Variants in PSKH1 observed in about 807,000 individuals in gnomAD.
PSKH1 encodes protein serine kinase H1.
PSKH1 carries 12 observed loss-of-function variants against 26.7 expected under a neutral mutation model. That is an observed-to-expected ratio of 0.45 (90% CI 0.29 to 0.73). The LOEUF (loss-of-function observed/expected upper bound fraction) is 0.73, where lower values mean the gene tolerates loss of function less well. Ranked by LOEUF, PSKH1 falls within the 30% of genes least tolerant of loss-of-function variation. The pLI is 0.11. For synonymous variants in PSKH1, 213 were observed against 234.3 expected, an observed-to-expected ratio of 0.91 and a Z score of 0.83; for missense variants, 431 against 595.2, an observed-to-expected ratio of 0.72 and a Z score of 2.87.
intron 1 of PSKH1, among the ~76,000 whole-genome samples, chr16:67,896,535 CTTTTTTTT>C (rs959626962): frequency 1.2e-5 from 1 of 80,952 alleles, no homozygotes; most frequent in African/African-American, 5.2e-5. Context: ...TAGTGTGCTT[CTTTTTTTT>C]TTTTTTTTTT....
chr16:67,916,494 TGCTGAG>T (rs977603077), intron 2 of PSKH1, among the ~76,000 whole-genome samples: 1 of 152,150 alleles, frequency 6.6e-6, no homozygotes, highest in Admixed American at 6.5e-5. Flanking sequence ...AAGGGAGCAT[TGCTGAG>T]TGCTCCAGAA....
chr16:67,926,245 T>C (rs1255468156), intron 2 of PSKH1, among the ~76,000 whole-genome samples: 3 of 152,190 alleles, frequency 2.0e-5, no homozygotes, highest in Non-Finnish European at 4.4e-5. Context: ...CTCACCTGGC[T>C]GAGCCCCAAG....
rs777367014 is a variant in PSKH1 at position 67,909,366 on chromosome 16, T to A, written c.617T>A (p.Val206Asp). ...TRVLQMVLDG[V>D]RYLHALGITH... Reference sequence around the variant, plus strand: ...GTGCTGCAGATGGTGCTGGATGGCGTCCGGTATCTGCATGCACTGGGCATC... The same window carrying A: ...GTGCTGCAGATGGTGCTGGATGGCGACCGGTATCTGCATGCACTGGGCATC... The change falls in exon 2 of 3, where the codon GTC becomes GAC. Residue 206 changes from valine to aspartate, a missense_variant. Physicochemically the swap from Val to Asp is radical, Grantham distance 152. Coordinates refer to ENST00000291041, the MANE Select transcript of PSKH1 (RefSeq NM_006742.3). This position sits in a 1 kb window ranked among gnomAD's most constrained non-coding sequence, Gnocchi z 7.8. The A allele has an allele frequency of 6.2e-7, 1 of 1,613,750 alleles. No homozygotes were observed. Among genetic ancestry groups the A allele is most frequent in the Non-Finnish European group, 8.5e-7 (1 of 1,179,956 alleles).
chr16:67,913,821 G>A (rs1352176380), intron 2 of PSKH1, among the ~76,000 whole-genome samples: 1 of 152,174 alleles, frequency 6.6e-6, no homozygotes, highest in South Asian at 2.1e-4. Context: ...ACACCAGGTG[G>A]TGTTGATAAC....
chr16:67,926,244 C>CT (rs1354142432), intron 2 of PSKH1, among the ~76,000 whole-genome samples: 2 of 152,178 alleles, frequency 1.3e-5, no homozygotes, highest in Non-Finnish European at 2.9e-5. Flanking sequence ...ACTCACCTGG[C>CT]TGAGCCCCAA....
intron 2 of PSKH1, among the ~76,000 whole-genome samples, chr16:67,919,204 G>A (rs1713633051): frequency 6.6e-6 from 1 of 152,166 alleles, no homozygotes; most frequent in African/African-American, 2.4e-5. Flanking sequence ...GTGTTTCCTG[G>A]CTTATGCTTG....
chr16:67,913,303 C>T (rs893851743), intron 2 of PSKH1, among the ~76,000 whole-genome samples: 3 of 151,950 alleles, frequency 2.0e-5, no homozygotes, highest in Non-Finnish European at 2.9e-5. Context: ...TGCGCCACCA[C>T]GCACGGCTAA....
Position 67,902,342 on chromosome 16 carries a change from C to T in PSKH1, c.-70-6338C>T, listed in dbSNP as rs1048223696. Among the ~76,000 whole-genome samples the T allele has an allele frequency of 5.9e-5, 9 of 152,142 alleles. No homozygotes were observed. The South Asian group carries it at 1.7e-3, about 28-fold the overall frequency. On this transcript the variant is annotated intron_variant, in intron 1 of 2. Coordinates refer to ENST00000291041, the MANE Select transcript of PSKH1 (RefSeq NM_006742.3). ...TTTTGAGACAGTCTCGATCTCTCAC[C>T]CAGGCTGGAGTACAGTGGTGCGATC...
At chr16:67,921,256 A>G (rs750802119) in intron 2 of PSKH1, among the ~76,000 whole-genome samples, 3 of 146,912 alleles carry the variant, frequency 2.0e-5, no homozygotes, top group Non-Finnish European at 3.0e-5. Context: ...CTGGGCAACA[A>G]GAGCAAAACT....
intron 2 of PSKH1, among the ~76,000 whole-genome samples, chr16:67,910,730 A>G (rs1053011984): frequency 6.6e-6 from 1 of 152,210 alleles, no homozygotes; most frequent in Non-Finnish European, 1.5e-5. Flanking sequence ...CTCGAACTCC[A>G]GACCTCAGGT....
chr16:67,914,974 G>A (rs527918347), intron 2 of PSKH1, among the ~76,000 whole-genome samples: 18 of 152,282 alleles, frequency 1.2e-4, no homozygotes, highest in African/African-American at 4.1e-4. Flanking sequence ...TCTGGCAGTC[G>A]TTGACCTGGC....
At chr16:67,915,089 C>T (rs531863812) in intron 2 of PSKH1, among the ~76,000 whole-genome samples, 1 of 152,258 alleles carries the variant, frequency 6.6e-6, no homozygotes, top group East Asian at 1.9e-4. Context: ...CCCGCTCCTA[C>T]TGTAGCCGAA....
In PSKH1 at chr16:67,909,476, G is replaced by T. The variant is rs368564776; in HGVS notation, c.727G>T (p.Ala243Ser). 12 of 1,613,414 alleles carry T rather than the reference G, an allele frequency of 7.4e-6. No individual in the cohort carries two copies. The highest frequency in any genetic ancestry group is 9.3e-6 in the Non-Finnish European group (11 of 1,180,020). Residue 243 changes from alanine (A) to serine (S), a missense_variant, in exon 2 of 3, where the codon GCC becomes TCC. Ala to Ser is a moderately conservative substitution (Grantham distance 99). Coordinates refer to ENST00000291041, the MANE Select transcript of PSKH1 (RefSeq NM_006742.3). The surrounding 1 kb of genome is among the most constrained non-coding windows in gnomAD (Gnocchi z 7.8). ...GATCATCATCACCGACTTCGGCCTG[G>T]CCAGTGCTCGCAAGAAGGGTGATGA... ...SKIIITDFGL[A>S]SARKKGDDCL... is the part of the protein sequence containing the mutation.
At chr16:67,898,190 A>G (rs2058131664) in intron 1 of PSKH1, among the ~76,000 whole-genome samples, 1 of 152,116 alleles carries the variant, frequency 6.6e-6, no homozygotes, top group Non-Finnish European at 1.5e-5. Flanking sequence ...TAGAGAGGCC[A>G]AGACAGGCAG....
chr16:67,925,965 G>A (rs1364744498), intron 2 of PSKH1, among the ~76,000 whole-genome samples: 5 of 152,062 alleles, frequency 3.3e-5, no homozygotes, highest in Admixed American at 6.6e-5. Flanking sequence ...AGATGGCTGT[G>A]CACCTGCCCT....
At position 67,927,560 on chromosome 16, in the gene PSKH1, C is replaced by T. The variant is rs773901928; in HGVS notation, c.1193C>T (p.Thr398Ile). ...SAQSTRSSRSTRSNKSRRVRE... is the reference protein window; with the variant it reads ...SAQSTRSSRSIRSNKSRRVRE... Reference sequence around the variant, plus strand: ...CAGTCCACGCGTTCCAGCCGCTCCACACGCTCCAATAAGTCACGCCGTGTG... The same window carrying T: ...CAGTCCACGCGTTCCAGCCGCTCCATACGCTCCAATAAGTCACGCCGTGTG... Residue 398 changes from threonine to isoleucine, a missense_variant, in exon 3 of 3, where the codon ACA becomes ATA. Coordinates refer to ENST00000291041, the MANE Select transcript of PSKH1 (RefSeq NM_006742.3). The surrounding 1 kb of genome is among the most constrained non-coding windows in gnomAD (Gnocchi z 5.5). The T allele has an allele frequency of 3.1e-6, 5 of 1,613,980 alleles. No homozygotes were observed. The highest frequency in any genetic ancestry group is 3.4e-6 in the Non-Finnish European group (4 of 1,180,046).
intron 2 of PSKH1, among the ~76,000 whole-genome samples, chr16:67,918,076 AG>A (rs1212399007): frequency 6.6e-6 from 1 of 152,154 alleles, no homozygotes; most frequent in Non-Finnish European, 1.5e-5. Context: ...ATGACACAGA[AG>A]GTGAGTCATC....
Position 67,928,728 on chromosome 16 carries a change from C to CGTGCACACCCACCCATG in PSKH1, c.*1096_*1112dup, listed in dbSNP as rs1443756789. On this transcript the variant is annotated 3_prime_UTR_variant, in exon 3 of 3. Coordinates refer to ENST00000291041, the MANE Select transcript of PSKH1 (RefSeq NM_006742.3). This position sits in a 1 kb window ranked among gnomAD's most constrained non-coding sequence, Gnocchi z 4.8. Reference sequence around the variant, plus strand: ...ACGCCCATCGTGCACACCTGCCCATCGTGCACACCCACCCATGGTGCACAC... The same window carrying CGTGCACACCCACCCATG: ...ACGCCCATCGTGCACACCTGCCCATCGTGCACACCCACCCATGGTGCACACCCACCCATGGTGCACAC... 6.6e-6 allele frequency: 1 copy of CGTGCACACCCACCCATG among 152,244 alleles called. No individual in the cohort carries two copies. The highest frequency in any genetic ancestry group is 1.9e-4 in the East Asian group (1 of 5,194). The allele number at this position is 152,244 out of a possible 1,614,324, so 9.4% of individuals were successfully genotyped here.
At chr16:67,895,977 T>C (rs1185504151) in intron 1 of PSKH1, among the ~76,000 whole-genome samples, 2 of 152,190 alleles carry the variant, frequency 1.3e-5, no homozygotes, top group Non-Finnish European at 2.9e-5. Context: ...TACATGTGCT[T>C]GTAGAGAGGA....
Sources: allele counts gnomAD v4.1 joint callset (sites outside exome capture counted in the v4.1 genomes callset), GRCh38; gene constraint gnomAD v4.1.1; non-coding constraint Gnocchi (gnomAD v3.1); transcripts MANE v1.5; gene names NCBI Gene and HGNC (gene_info 2026-07-23, HGNC 2026-07-21).